Variants in ADH7 observed in about 807,000 individuals in gnomAD.
ADH7 encodes all-trans-retinol dehydrogenase [NAD(+)] ADH7.
ADH7 carries 41 observed loss-of-function variants against 34.4 expected under a neutral mutation model. The ratio of observed to expected loss-of-function variants is 1.19; its 90% CI spans 0.93 to 1.55. The LOEUF (loss-of-function observed/expected upper bound fraction) is 1.55, where lower values mean the gene tolerates loss of function less well. Ranked by LOEUF, ADH7 falls within the 40% of genes most tolerant of loss-of-function variation. The pLI, the probability that ADH7 is intolerant of heterozygous loss-of-function variation, is 0.00. For synonymous variants in ADH7, 180 were observed against 160.9 expected (o/e 1.12, Z -0.90); for missense variants, 540 against 461.2 (o/e 1.17, Z -1.56).
chr4:99,427,777 C>A lies in ADH7; in HGVS notation c.560G>T (p.Gly187Val). ...STGYGAAVKTGKVKPGSTCVV... is the reference protein window; with the variant it reads ...STGYGAAVKTVKVKPGSTCVV... ...CTAGCCTACCCTGTTTCTTACCTTGCCAGTTTTAACAGCAGCGCCATATCC... is the reference window on the plus strand; with the variant it reads ...CTAGCCTACCCTGTTTCTTACCTTGACAGTTTTAACAGCAGCGCCATATCC... The change falls in exon 5 of 9, where the codon GGC (glycine) becomes GTC (valine). Residue 187 changes from glycine (G) to valine (V), a missense_variant. Gly to Val is a moderately radical substitution (Grantham distance 109). Coordinates refer to ENST00000437033, the MANE Select transcript of ADH7 (RefSeq NM_000673.7). The A allele has an allele frequency of 6.5e-7, 1 of 1,527,836 alleles. No homozygotes were observed. The highest frequency in any genetic ancestry group is 8.8e-7 in the Non-Finnish European group (1 of 1,137,542). The allele number at this position is 1,527,836 out of a possible 1,614,324, so 94.6% of individuals were successfully genotyped here. A position where few individuals can be genotyped will look rare whatever the true frequency, so the allele number is the denominator to read the frequency against.
At chr4:99,430,827 C>G (rs1320860962) in intron 1 of ADH7, among the ~76,000 whole-genome samples, 3 of 151,986 alleles carry the variant, frequency 2.0e-5, no homozygotes, top group Non-Finnish European at 4.4e-5. Flanking sequence ...TAGACGCAAT[C>G]TTGCTCTGTC....
chr4:99,428,766 C>G, intron 2 of ADH7, 136 bp from the exon 3 acceptor site: 1 of 1,130,788 alleles, frequency 8.8e-7, no homozygotes, highest in South Asian at 1.6e-5. Context: ...TACTCTTAGA[C>G]TATTCTGAGC....
At chr4:99,428,367 G>A in intron 3 of ADH7, 125 bp downstream of exon 3, 3 of 1,342,104 alleles carry the variant, frequency 2.2e-6, no homozygotes, top group Non-Finnish European at 3.1e-6. Context: ...ATCCATTCTT[G>A]TATCCTTTTA....
At chr4:99,434,638 A>T (rs1579582949) in intron 1 of ADH7, among the ~76,000 whole-genome samples, 1 of 152,210 alleles carries the variant, frequency 6.6e-6, no homozygotes. Flanking sequence ...TGTTGTTTTT[A>T]GAACGATAAA....
At chr4:99,435,139 T>G in intron 1 of ADH7, 77 bp downstream of exon 1, 1 of 1,571,804 alleles carries the variant, frequency 6.4e-7, no homozygotes. Flanking sequence ...TTAATTACTT[T>G]AATGGATTCA....
intron 8 of ADH7, among the ~76,000 whole-genome samples, chr4:99,414,354 T>C (rs535448636): frequency 2.0e-5 from 3 of 152,294 alleles, no homozygotes; most frequent in African/African-American, 7.2e-5. Context: ...TGGATCTCAA[T>C]ATACAGTTCC....
Position 99,428,139 on chromosome 4 carries a change from T to C in ADH7, c.295A>G (p.Arg99Gly), listed in dbSNP as rs775414875. The change falls in exon 4 of 9, where the codon AGA (arginine) becomes GGA (glycine). Residue 99 changes from arginine to glycine, a missense_variant. Transcript: ENST00000437033. ...KVIPLFLPQCRECNACRNPDG... is the reference protein window; with the variant it reads ...KVIPLFLPQCGECNACRNPDG... ...GGGTTGCGACAAGCATTGCATTCTC[T>C]ACATTGTGGCAGAAAGAGAGGGATG... The C allele has an allele frequency of 2.5e-6, 4 of 1,613,992 alleles. No homozygotes were observed. The South Asian group carries it at 4.4e-5, about 18-fold the overall frequency.
At chr4:99,423,611 C>T (rs1398816044) in intron 5 of ADH7, among the ~76,000 whole-genome samples, 1 of 152,138 alleles carries the variant, frequency 6.6e-6, no homozygotes, top group African/African-American at 2.4e-5. Context: ...TTTTGATTTG[C>T]ATTTCTCTGA....
chr4:99,434,427 C>T (rs1330625024), intron 1 of ADH7, among the ~76,000 whole-genome samples: 1 of 152,062 alleles, frequency 6.6e-6, no homozygotes, highest in Non-Finnish European at 1.5e-5. Flanking sequence ...ATTACCCAGA[C>T]TTCTCATGTC....
At position 99,428,112 on chromosome 4, in the gene ADH7, C is replaced by T. The variant is rs1227926084; in HGVS notation, c.322G>A (p.Asp108Asn). The change falls in exon 4 of 9, where the codon GAT becomes AAT. Residue 108 changes from aspartate (D) to asparagine (N), a missense_variant. Physicochemically the swap from Asp to Asn is conservative, Grantham distance 23 (BLOSUM62 1). Coordinates refer to ENST00000437033, the MANE Select transcript of ADH7 (RefSeq NM_000673.7). The part of the protein sequence containing the change: ...CRECNACRNP[D>N]GNLCIRSDIT... The stretch of plus-strand genomic sequence containing the variant: ...TCGCTCCTAATGCAAAGGTTGCCAT[C>T]TGGGTTGCGACAAGCATTGCATTCT... 4.3e-6 allele frequency: 7 copies of T among 1,613,816 alleles called. No individual in the cohort carries two copies. The highest frequency in any genetic ancestry group is 5.9e-6 in the Non-Finnish European group (7 of 1,179,910).
At position 99,427,828 on chromosome 4, in the gene ADH7, C is replaced by T. The variant is rs760665074; in HGVS notation, c.509G>A (p.Cys170Tyr). The T allele has an allele frequency of 2.5e-6, 4 of 1,609,256 alleles. No homozygotes were observed. The South Asian group carries it at 4.4e-5, about 18-fold the overall frequency. Reference protein sequence around the residue: ...IDDAAPPEKVCLIGCGFSTGY... With the variant: ...IDDAAPPEKVYLIGCGFSTGY... The stretch of plus-strand genomic sequence containing the variant: ...AGTGGAAAACCCACAGCCAATTAAA[C>T]AGACTTTCTCAGGAGGAGCTGCATC... The change falls in exon 5 of 9, where the codon TGT becomes TAT. Residue 170 changes from cysteine (C) to tyrosine (Y), a missense_variant. Coordinates refer to ENST00000437033, the MANE Select transcript of ADH7 (RefSeq NM_000673.7).
intron 5 of ADH7, among the ~76,000 whole-genome samples, chr4:99,422,304 C>T (rs1721684367): frequency 6.6e-6 from 1 of 152,166 alleles, no homozygotes; most frequent in African/African-American, 2.4e-5. Context: ...ACATATACAC[C>T]ATGGAATATT....
chr4:99,422,538 G>C (rs927854551), intron 5 of ADH7, among the ~76,000 whole-genome samples: 5 of 152,060 alleles, frequency 3.3e-5, no homozygotes, highest in African/African-American at 1.2e-4. Flanking sequence ...CCTGGAGGAC[G>C]AGTCAACAGA....
chr4:99,416,508 C>T (rs1721518774), intron 7 of ADH7, among the ~76,000 whole-genome samples: 1 of 152,156 alleles, frequency 6.6e-6, no homozygotes, highest in Non-Finnish European at 1.5e-5. Context: ...CTTCTAGATA[C>T]TACATCGTCA....
At chr4:99,422,109 T>C (rs1489944742) in intron 5 of ADH7, among the ~76,000 whole-genome samples, 1 of 152,178 alleles carries the variant, frequency 6.6e-6, no homozygotes, top group Non-Finnish European at 1.5e-5. Context: ...TCCTCAAGGA[T>C]CTAGAACCAG....
At chr4:99,426,523 C>G (rs1721808937) in intron 5 of ADH7, among the ~76,000 whole-genome samples, 1 of 152,172 alleles carries the variant, frequency 6.6e-6, no homozygotes, top group Non-Finnish European at 1.5e-5. Flanking sequence ...GAAGTTGAAT[C>G]TCTGAATAGA....
chr4:99,428,594 C>T lies in ADH7; in HGVS notation c.157G>A (p.Val53Met), dbSNP rs1348833618. The change falls in exon 3 of 9, where the codon GTG becomes ATG. Residue 53 changes from valine (V) to methionine (M), a missense_variant. Physicochemically the swap from Val to Met is conservative, Grantham distance 21. Coordinates refer to ENST00000437033, the MANE Select transcript of ADH7 (RefSeq NM_000673.7). ...ATGICRTDDH[V>M]IKGTMVSKFP... The stretch of plus-strand genomic sequence containing the variant: ...TTGGACACCATTGTTCCTTTTATCA[C>T]ATGGTCATCTGTGCGACAGATTCCT... 1 of 1,613,720 alleles carries T rather than the reference C, an allele frequency of 6.2e-7. No homozygotes were observed. The highest frequency in any genetic ancestry group is 1.1e-5 in the South Asian group (1 of 91,036).
intron 3 of ADH7, 136 bp from the exon 4 acceptor site, chr4:99,428,310 G>T: frequency 8.2e-7 from 1 of 1,213,728 alleles, no homozygotes; most frequent in Non-Finnish European, 1.2e-6. Flanking sequence ...CGTAAGGTTT[G>T]CCTTCTAAAG....
rs1035455419 is a variant in ADH7 at position 99,415,756 on chromosome 4, A to G, written c.962-140T>C. 4 of 876,728 alleles carry G rather than the reference A, an allele frequency of 4.6e-6. No homozygotes were observed. The African/African-American group carries it at 6.9e-5, about 15-fold the overall frequency. The allele number at this position is 876,728 out of a possible 1,614,324, so 54.3% of individuals were successfully genotyped here. ...TCCCAGCAGTGTACAAATAAGCTGT[A>G]TTTGTCCCAGCATAAGAAACAAAAG... On this transcript the variant is annotated intron_variant, in intron 7 of 8. Coordinates refer to ENST00000437033, the MANE Select transcript of ADH7 (RefSeq NM_000673.7).
Sources: allele counts gnomAD v4.1 joint callset (sites outside exome capture counted in the v4.1 genomes callset), GRCh38; gene constraint gnomAD v4.1.1; transcripts MANE v1.5; gene names NCBI Gene and HGNC (gene_info 2026-07-23, HGNC 2026-07-21).